PAX4: variants seen among roughly 807,000 people sequenced by gnomAD.
PAX4 encodes paired box 4, also known as paired box protein Pax-4.
Under a neutral mutation model 40.6 loss-of-function variants are expected in PAX4, and 33 were observed. The observed-to-expected ratio is 0.81, with a 90% confidence interval of 0.62 to 1.09. The LOEUF is 1.09. PAX4 is among the 50% of genes least tolerant of loss of function. The pLI is 0.00. For synonymous variants in PAX4, 174 were observed against 170.6 expected (o/e 1.02, Z -0.16); for missense variants, 459 against 442.5 (o/e 1.04, Z -0.33).
chr7:127,611,397 G>T lies in PAX4; in HGVS notation c.913+138C>A. The stretch of plus-strand genomic sequence containing the variant: ...AGGGGTTACTAGTCTCCGTAATTTT[G>T]TGGACCATGCAAAGAATGAGGAAAG... On this transcript the variant is annotated intron_variant, in intron 11 of 11. Transcript: ENST00000639438. The T allele has an allele frequency of 2.6e-6, 4 of 1,547,288 alleles. No individual in the cohort carries two copies. In the South Asian group the frequency reaches 3.5e-5, roughly 14 times the overall value.
At position 127,610,681 on chromosome 7, in the gene PAX4, G is replaced by C; in HGVS notation, c.*383C>G. 1.6e-6 allele frequency: 1 copy of C among 608,012 alleles called. No homozygotes were observed. The highest frequency in any genetic ancestry group is 2.9e-6 in the Non-Finnish European group (1 of 342,622). 37.7% of individuals were successfully genotyped at this position (608,012 alleles called of 1,614,324 possible). On this transcript the variant is annotated 3_prime_UTR_variant, in exon 12 of 12. Coordinates refer to ENST00000639438, the MANE Select transcript of PAX4 (RefSeq NM_001366110.1). ...AGATACATGTATTGCCTACATACATGCATAGATTAGATGGTAGATACATAG... is the reference window on the plus strand; with the variant it reads ...AGATACATGTATTGCCTACATACATCCATAGATTAGATGGTAGATACATAG...
In PAX4 at chr7:127,610,570, T is replaced by TGTGTGC. The variant is rs375106423; in HGVS notation, c.*493_*494insGCACAC. On this transcript the variant is annotated 3_prime_UTR_variant, in exon 12 of 12. Transcript: ENST00000639438. The stretch of plus-strand genomic sequence containing the variant: ...CAGTGTGTGTGTGTGTGTGTGTGTG[T>TGTGTGC]GCGCGCACGCATGCACGCATACATA... The TGTGTGC allele has an allele frequency of 1.1e-4, 35 of 321,744 alleles. No homozygotes were observed. Among genetic ancestry groups the TGTGTGC allele is most frequent in the African/African-American group, 6.3e-4 (28 of 44,678 alleles). The allele number at this position is 321,744 out of a possible 1,614,324, so 19.9% of individuals were successfully genotyped here.
At chr7:127,613,680 G>T in intron 7 of PAX4, 76 bp downstream of exon 7, 1 of 1,607,820 alleles carries the variant, frequency 6.2e-7, no homozygotes, top group Non-Finnish European at 8.5e-7. Context: ...CTCAGCCTTT[G>T]CCCACAGGCC....
intron 5 of PAX4, 119 bp downstream of exon 5, chr7:127,614,761 A>T (rs1794696097): frequency 7.2e-7 from 1 of 1,396,314 alleles, no homozygotes; most frequent in Non-Finnish European, 9.9e-7. Flanking sequence ...TATGGGTCAG[A>T]ATTGCCCAGG....
At position 127,611,655 on chromosome 7, in the gene PAX4, T is replaced by A; in HGVS notation, c.793A>T (p.Thr265Ser). 1 of 1,612,082 alleles carries A rather than the reference T, an allele frequency of 6.2e-7. No homozygotes were observed. The highest frequency in any genetic ancestry group is 8.5e-7 in the Non-Finnish European group (1 of 1,179,786). Residue 265 changes from threonine (T) to serine (S), a missense_variant, in exon 11 of 12, where the codon ACA becomes TCA. Transcript: ENST00000639438. Reference sequence around the variant, plus strand: ...GGTTCCAGGGCAGGCAGGGCTGCTGTGGGCACACTGCCAGGGGACTGCTAA... The same window carrying A: ...GGTTCCAGGGCAGGCAGGGCTGCTGAGGGCACACTGCCAGGGGACTGCTAA... The part of the protein sequence containing the change: ...SAQQSPGSVP[T>S]AALPALEPLG...
rs1419227905 is a variant in PAX4, at chr7:127,610,503, G to C, written c.*561C>G. On this transcript the variant is annotated 3_prime_UTR_variant, in exon 12 of 12. Transcript: ENST00000639438. ...GACAAGTTTCTTGTTTTTTGGGGAT[G>C]CATGCTGGAAGATTTAGGAATAAAA... The C allele has an allele frequency of 5.1e-6, 1 of 197,690 alleles. No homozygotes were observed. Among genetic ancestry groups the C allele is most frequent in the Admixed American group, 5.4e-5 (1 of 18,610 alleles). The allele number at this position is 197,690 out of a possible 1,614,324, so 12.2% of individuals were successfully genotyped here. A position where few individuals can be genotyped will look rare whatever the true frequency, so the allele number is the denominator to read the frequency against.
intron 3 of PAX4, 33 bp from the exon 4 acceptor site, chr7:127,615,564 C>T: frequency 6.2e-7 from 1 of 1,612,668 alleles, no homozygotes; most frequent in Non-Finnish European, 8.5e-7. Flanking sequence ...CACACACCAC[C>T]TCTCCCACTG....
chr7:127,616,891 A>G (rs1338516872), intron 2 of PAX4, among the ~76,000 whole-genome samples: 1 of 152,256 alleles, frequency 6.6e-6, no homozygotes, highest in Non-Finnish European at 1.5e-5. Flanking sequence ...CAAGGGACAC[A>G]GGTCCCACAG....
chr7:127,613,651 G>A, intron 7 of PAX4, 105 bp downstream of exon 7: 1 of 1,499,468 alleles, frequency 6.7e-7, no homozygotes, highest in Non-Finnish European at 9.0e-7. Context: ...TCAAGGCAGG[G>A]CCACTCACAC....
intron 7 of PAX4, 30 bp downstream of exon 7, chr7:127,613,726 T>C (rs778828303): frequency 1.9e-6 from 3 of 1,613,414 alleles, no homozygotes; most frequent in East Asian, 4.5e-5. Flanking sequence ...CTGAGGACTC[T>C]CTGACCCTCC....
At chr7:127,611,512 T>G (rs762226816) in intron 11 of PAX4, 23 bp downstream of exon 11, 1 of 1,613,346 alleles carries the variant, frequency 6.2e-7, no homozygotes, top group Non-Finnish European at 8.5e-7. Flanking sequence ...CCTGCAGGAC[T>G]GAGGCCTGGC....
At chr7:127,611,794 C>T (rs1368468902) in intron 10 of PAX4, 118 bp from the exon 11 acceptor site, 2 of 1,599,188 alleles carry the variant, frequency 1.3e-6, no homozygotes, top group Non-Finnish European at 1.7e-6. Flanking sequence ...CAGAGGGCAC[C>T]ATTCACATAG....
At position 127,612,849 on chromosome 7, in the gene PAX4, A is replaced by C. The variant is rs806192; in HGVS notation, c.715+173T>G. Among the ~76,000 whole-genome samples the C allele has an allele frequency of 0.82, 114,938 of 140,886 alleles. 47,814 individuals are homozygous for C. Among genetic ancestry groups the C allele is most frequent in the African/African-American group, 0.94 (36,022 of 38,134 alleles). The allele number at this position is 140,886 out of a possible 152,430, so 92.4% of individuals were successfully genotyped here. A position where few individuals can be genotyped will look rare whatever the true frequency, so the allele number is the denominator to read the frequency against. Reference sequence around the variant, plus strand: ...GGGTGGGTGTGGTGGGTGGATGATGAATGGATGAATGGATGGATGGATAGA... The same window carrying C: ...GGGTGGGTGTGGTGGGTGGATGATGCATGGATGAATGGATGGATGGATAGA... On this transcript the variant is annotated intron_variant, in intron 9 of 11. Transcript: ENST00000639438.
At chr7:127,616,792 A>G (rs1444609327) in intron 2 of PAX4, among the ~76,000 whole-genome samples, 1 of 152,234 alleles carries the variant, frequency 6.6e-6, no homozygotes, top group Non-Finnish European at 1.5e-5. Flanking sequence ...ACATTTATCA[A>G]AGGCATATTG....
rs1473834231 is a variant in PAX4, at chr7:127,612,010, G to A, written c.716-10C>T. ...AGCCCCTGGGAAGCACCTATAAAAT[G>A]AGAGTGAATCCACTCAGAAGGAGGA... On this transcript the variant is annotated splice_polypyrimidine_tract_variant and intron_variant, in intron 9 of 11. Coordinates refer to ENST00000639438, the MANE Select transcript of PAX4 (RefSeq NM_001366110.1). 7.4e-6 allele frequency: 12 copies of A among 1,613,608 alleles called. No homozygotes were observed. Among genetic ancestry groups the A allele is most frequent in the African/African-American group, 2.7e-5 (2 of 74,916 alleles).
At chr7:127,613,126 C>G in intron 8 of PAX4, 35 bp from the exon 9 acceptor site, 1 of 1,532,492 alleles carries the variant, frequency 6.5e-7, no homozygotes, top group Non-Finnish European at 9.0e-7. Flanking sequence ...GCTGGCTGTA[C>G]TTTATGCTGC....
chr7:127,611,554 G>A lies in PAX4; in HGVS notation c.894C>T (p.Ala298=), dbSNP rs150850990. 9.9e-6 allele frequency: 16 copies of A among 1,613,654 alleles called. 1 individual carries two copies. In the African/African-American group the frequency reaches 1.5e-4, roughly 15 times the overall value. The change falls in exon 11 of 12, where the codon GCC becomes GCT. Residue 298 remains alanine (A), a synonymous_variant. Coordinates refer to ENST00000639438, the MANE Select transcript of PAX4 (RefSeq NM_001366110.1). ...ERCLSDTPPK[A]CLKPCWGHLP... ...TCTTACCCCAGCAGGGCTTGAGACA[G>A]GCTTTAGGTGGGGTGTCACTCAGAC...
intron 11 of PAX4, 125 bp from the exon 12 acceptor site, chr7:127,611,331 CA>C: frequency 7.6e-7 from 1 of 1,308,096 alleles, no homozygotes; most frequent in Non-Finnish European, 1.1e-6. Context: ...CCCAGTCTCA[CA>C]TCCTTTACCT....
rs1370643668 is a variant in PAX4 at position 127,613,810 on chromosome 7, C to T, written c.508G>A (p.Gly170Ser). Residue 170 changes from glycine (G) to serine (S), a missense_variant, in exon 7 of 12, where the codon GGC (glycine) becomes AGC (serine). Gly to Ser is a moderately conservative substitution (Grantham distance 56). Coordinates refer to ENST00000639438, the MANE Select transcript of PAX4 (RefSeq NM_001366110.1). Reference sequence around the variant, plus strand: ...GAGAAGATAGTCCGATTCCGGTGGCCGGTCCCTGGGTGGGTACCCCGGGGA... The same window carrying T: ...GAGAAGATAGTCCGATTCCGGTGGCTGGTCCCTGGGTGGGTACCCCGGGGA... ...ETPRGTHPGT[G>S]HRNRTIFSPS... The T allele has an allele frequency of 1.2e-5, 19 of 1,613,838 alleles. No homozygotes were observed. Among genetic ancestry groups the T allele is most frequent in the Admixed American group, 5.0e-5 (3 of 59,980 alleles).
Sources: gnomAD v4.1 joint callset for allele counts (sites outside exome capture counted in the v4.1 genomes callset) on GRCh38, gnomAD v4.1.1 for gene constraint, MANE v1.5 for transcripts, NCBI Gene and HGNC (gene_info 2026-07-23, HGNC 2026-07-21) for gene names.